Variants in RAPGEF2 observed in about 807,000 individuals in gnomAD.
RAPGEF2 encodes the protein PDZ domain containing guanine nucleotide exchange factor (GEF) 1.
Under a neutral mutation model 186.7 loss-of-function variants are expected in RAPGEF2, and 54 were observed. The ratio of observed to expected loss-of-function variants is 0.29; its 90% CI spans 0.23 to 0.36. The LOEUF (loss-of-function observed/expected upper bound fraction) is 0.36, where lower values mean the gene tolerates loss of function less well. RAPGEF2 is among the 10% of genes least tolerant of loss of function. The pLI, the probability that RAPGEF2 is intolerant of heterozygous loss-of-function variation, is 1.00. For synonymous variants in RAPGEF2, 712 were observed against 705.9 expected, an observed-to-expected ratio of 1.01 and a Z score of -0.14; for missense variants, 1,532 against 2,045.0, an observed-to-expected ratio of 0.75 and a Z score of 4.84.
At chr4:159,345,793 CT>C (rs754431031) in intron 24 of RAPGEF2, among the ~76,000 whole-genome samples, 2 of 152,114 alleles carry the variant, frequency 1.3e-5, no homozygotes, top group Non-Finnish European at 2.9e-5. Context: ...AGCAATGATT[CT>C]GCTCCACAGT....
intron 19 of RAPGEF2, among the ~76,000 whole-genome samples, chr4:159,339,650 G>T (rs899255259): frequency 6.6e-6 from 1 of 152,156 alleles, no homozygotes; most frequent in Non-Finnish European, 1.5e-5. Context: ...TTGCCTTGGG[G>T]TCCTGGTTTG....
At chr4:159,191,106 C>T (rs893304585) in intron 2 of RAPGEF2, among the ~76,000 whole-genome samples, 4 of 151,866 alleles carry the variant, frequency 2.6e-5, no homozygotes, top group African/African-American at 9.7e-5. Context: ...GGTGAGATTA[C>T]TGGAGCATAG....
At chr4:159,341,180 AT>A (rs1267358854) in intron 19 of RAPGEF2, among the ~76,000 whole-genome samples, 1 of 152,240 alleles carries the variant, frequency 6.6e-6, no homozygotes, top group Non-Finnish European at 1.5e-5. Flanking sequence ...AATAAGAGTG[AT>A]GACGTACTTG....
chr4:159,297,603 T>G (rs917131094), intron 7 of RAPGEF2, among the ~76,000 whole-genome samples: 2 of 152,234 alleles, frequency 1.3e-5, no homozygotes, highest in African/African-American at 4.8e-5. Flanking sequence ...TCCATATAAA[T>G]ACATGATTTA....
rs1731135778 is a variant in RAPGEF2, at chr4:159,351,258, T to A, written c.3865+969T>A. ...TAGTTAATGAAAATGGGAGAATTCC[T>A]CCAAATGTCAAGTGCTCCATCTGAG... On this transcript the variant is annotated intron_variant, in intron 26 of 29. Transcript: ENST00000691494. 9.8e-6 allele frequency: 14 copies of A among 1,421,766 alleles called. No homozygotes were observed. In the South Asian group the frequency reaches 1.9e-4, roughly 20 times the overall value. 88.1% of individuals were successfully genotyped at this position (1,421,766 alleles called of 1,614,324 possible). A position where few individuals can be genotyped will look rare whatever the true frequency, so the allele number is the denominator to read the frequency against.
chr4:159,348,855 A>G (rs1429810625), intron 25 of RAPGEF2, among the ~76,000 whole-genome samples: 1 of 152,250 alleles, frequency 6.6e-6, no homozygotes, highest in Non-Finnish European at 1.5e-5. Flanking sequence ...TAACATACAC[A>G]TTTAAAGTCA....
At chr4:159,205,448 T>G (rs764761534) in intron 3 of RAPGEF2, among the ~76,000 whole-genome samples, 2 of 152,200 alleles carry the variant, frequency 1.3e-5, no homozygotes, top group Non-Finnish European at 2.9e-5. Context: ...GAAAACATCC[T>G]AAGTCAAAAT....
chr4:159,174,346 G>C (rs181747926), intron 1 of RAPGEF2, among the ~76,000 whole-genome samples: 4,883 of 152,282 alleles, frequency 0.032, 126 homozygotes, highest in East Asian at 0.054. Flanking sequence ...TGAGAATGCA[G>C]ATTATAGATG....
intron 4 of RAPGEF2, among the ~76,000 whole-genome samples, chr4:159,218,492 G>C (rs1047829699): frequency 1.3e-5 from 2 of 151,898 alleles, no homozygotes; most frequent in Non-Finnish European, 2.9e-5. Context: ...GCAGTGGCTC[G>C]TGCCTGTAAT....
intron 1 of RAPGEF2, among the ~76,000 whole-genome samples, chr4:159,157,528 T>A (rs1476041671): frequency 6.6e-6 from 1 of 152,202 alleles, no homozygotes; most frequent in Non-Finnish European, 1.5e-5. Flanking sequence ...GTCAGACCTT[T>A]GACTTAACTG....
At chr4:159,323,648 T>C (rs1765531858) in intron 11 of RAPGEF2, 31 bp downstream of exon 11, 1 of 1,280,512 alleles carries the variant, frequency 7.8e-7, no homozygotes. Context: ...AATATATATT[T>C]TATTCTTAAT....
intron 1 of RAPGEF2, among the ~76,000 whole-genome samples, chr4:159,160,600 A>C (rs1254097139): frequency 6.6e-6 from 1 of 152,250 alleles, no homozygotes; most frequent in African/African-American, 2.4e-5. Flanking sequence ...TTGCCTGCGC[A>C]CAGAGCTTAG....
At chr4:159,204,553 A>G (rs1051858559) in intron 3 of RAPGEF2, among the ~76,000 whole-genome samples, 5 of 152,182 alleles carry the variant, frequency 3.3e-5, no homozygotes, top group South Asian at 2.1e-4. Context: ...GAGGCTTTCT[A>G]TCTGTTTACA....
intron 25 of RAPGEF2, among the ~76,000 whole-genome samples, chr4:159,348,103 C>T (rs1730601738): frequency 6.6e-6 from 1 of 151,924 alleles, no homozygotes; most frequent in Non-Finnish European, 1.5e-5. Flanking sequence ...TGCCTGCAGT[C>T]CTAGCTACCT....
intron 7 of RAPGEF2, among the ~76,000 whole-genome samples, chr4:159,271,662 A>G (rs531740372): frequency 5.3e-5 from 8 of 152,122 alleles, no homozygotes; most frequent in South Asian, 2.1e-4. Flanking sequence ...ACCTACCCCT[A>G]TGTGACCAAA....
intron 1 of RAPGEF2, among the ~76,000 whole-genome samples, chr4:159,127,779 C>T (rs1006582767): frequency 2.6e-5 from 4 of 152,112 alleles, no homozygotes; most frequent in African/African-American, 9.7e-5. Context: ...CAGTTTGGTG[C>T]AGTTTTTAAA....
At chr4:159,188,238 C>G (rs1747749041) in intron 2 of RAPGEF2, among the ~76,000 whole-genome samples, 1 of 152,132 alleles carries the variant, frequency 6.6e-6, no homozygotes. Context: ...ATGTCACATT[C>G]CCACTGTGCA....
intron 26 of RAPGEF2, chr4:159,351,230 CATT>C: frequency 6.8e-7 from 1 of 1,479,316 alleles, no homozygotes; most frequent in East Asian, 2.5e-5. Flanking sequence ...GGAATCATCT[CATT>C]AGTTAATGAA....
chr4:159,302,338 A>T (rs1269271325), intron 7 of RAPGEF2, among the ~76,000 whole-genome samples: 2 of 151,812 alleles, frequency 1.3e-5, no homozygotes, highest in African/African-American at 4.8e-5. Context: ...TGACACGTTA[A>T]TTTTTTTAAA....
Sources: gnomAD v4.1 joint callset for allele counts (sites outside exome capture counted in the v4.1 genomes callset) on GRCh38, gnomAD v4.1.1 for gene constraint, MANE v1.5 for transcripts, NCBI Gene and HGNC (gene_info 2026-07-23, HGNC 2026-07-21) for gene names.